Variants in GALNTL6 observed in about 807,000 individuals in gnomAD.
The protein encoded by GALNTL6 is polypeptide N-acetylgalactosaminyltransferase like 6.
Under a neutral mutation model 73.7 loss-of-function variants are expected in GALNTL6, and 46 were observed. The ratio of observed to expected loss-of-function variants is 0.62; its 90% CI spans 0.49 to 0.80. GALNTL6 has a LOEUF of 0.80. Ranked by LOEUF, GALNTL6 falls within the 30% of genes least tolerant of loss-of-function variation. The pLI, the probability that GALNTL6 is intolerant of heterozygous loss-of-function variation, is 0.00. For missense variants in GALNTL6, 604 were observed against 755.0 expected (o/e 0.80, Z 2.34); for synonymous variants, 259 against 263.7 (o/e 0.98, Z 0.17).
chr4:172,159,809 T>A (rs995456800), intron 2 of GALNTL6, among the ~76,000 whole-genome samples: 14 of 152,140 alleles, frequency 9.2e-5, no homozygotes, highest in Non-Finnish European at 1.8e-4. Flanking sequence ...AAAATCTCCC[T>A]AGCTTTTGTG....
intron 2 of GALNTL6, among the ~76,000 whole-genome samples, chr4:171,844,264 A>G (rs1735313845): frequency 2.0e-5 from 3 of 152,110 alleles, no homozygotes; most frequent in Admixed American, 2.0e-4. Context: ...TGTTTTTTAA[A>G]AAGTTTCCTT....
intron 2 of GALNTL6, among the ~76,000 whole-genome samples, chr4:172,168,562 T>C (rs1213840281): frequency 1.3e-5 from 2 of 152,126 alleles, no homozygotes; most frequent in African/African-American, 4.8e-5. Flanking sequence ...ATGGTGATGA[T>C]GGTGATGGTG....
At chr4:172,897,210 G>A (rs903025809) in intron 8 of GALNTL6, among the ~76,000 whole-genome samples, 3 of 152,200 alleles carry the variant, frequency 2.0e-5, no homozygotes, top group Non-Finnish European at 4.4e-5. Context: ...TAAGAGGGAC[G>A]TGTGTCTTTC....
At chr4:172,182,800 C>T (rs1013321768) in intron 2 of GALNTL6, among the ~76,000 whole-genome samples, 9 of 151,954 alleles carry the variant, frequency 5.9e-5, no homozygotes, top group African/African-American at 2.2e-4. Context: ...CAGATTTTCA[C>T]AAAAAATATA....
At chr4:172,446,869 T>G (rs1732042346) in intron 5 of GALNTL6, among the ~76,000 whole-genome samples, 1 of 152,162 alleles carries the variant, frequency 6.6e-6, no homozygotes, top group Admixed American at 6.6e-5. Context: ...GATGATATAC[T>G]CTGTGCAGGT....
At chr4:172,634,093 A>G (rs574309851) in intron 5 of GALNTL6, among the ~76,000 whole-genome samples, 1 of 152,296 alleles carries the variant, frequency 6.6e-6, no homozygotes, top group South Asian at 2.1e-4. Flanking sequence ...ACTAACCACC[A>G]CACTCCATAT....
chr4:171,839,933 C>T (rs1735196546), intron 2 of GALNTL6, among the ~76,000 whole-genome samples: 1 of 151,894 alleles, frequency 6.6e-6, no homozygotes, highest in Non-Finnish European at 1.5e-5. Context: ...CAGTTTTTTC[C>T]TCTCTTCAGG....
intron 5 of GALNTL6, among the ~76,000 whole-genome samples, chr4:172,710,565 A>G (rs1402389886): frequency 6.6e-6 from 1 of 152,166 alleles, no homozygotes; most frequent in Non-Finnish European, 1.5e-5. Context: ...TAACTCGATC[A>G]GTTAAAATTA....
At chr4:171,960,411 G>T (rs751078742) in intron 2 of GALNTL6, among the ~76,000 whole-genome samples, 1 of 151,776 alleles carries the variant, frequency 6.6e-6, no homozygotes, top group Non-Finnish European at 1.5e-5. Context: ...CGAGTAACAG[G>T]GTTTTACAGG....
intron 2 of GALNTL6, among the ~76,000 whole-genome samples, chr4:171,978,052 C>T (rs891346331): frequency 6.6e-6 from 1 of 151,942 alleles, no homozygotes; most frequent in African/African-American, 2.4e-5. Context: ...GCAAAAACCG[C>T]CATTACTAAC....
chr4:172,428,755 T>G (rs1380561629), intron 5 of GALNTL6, among the ~76,000 whole-genome samples: 2 of 152,166 alleles, frequency 1.3e-5, no homozygotes, highest in African/African-American at 4.8e-5. Flanking sequence ...GAATCAAAAT[T>G]CTGCACAATT....
At chr4:172,681,124 T>C (rs1540472) in intron 5 of GALNTL6, among the ~76,000 whole-genome samples, 23,318 of 151,992 alleles carry the variant, frequency 0.15, 2,183 homozygotes, top group Admixed American at 0.25. Flanking sequence ...CAATACAGGT[T>C]ATGAAGGGTA....
At chr4:173,004,683 G>A (rs1752197335) in intron 10 of GALNTL6, among the ~76,000 whole-genome samples, 1 of 152,086 alleles carries the variant, frequency 6.6e-6, no homozygotes. Flanking sequence ...CCATAAAAGG[G>A]AGCATCTTAA....
At chr4:173,013,434 T>A (rs989112680) in intron 11 of GALNTL6, among the ~76,000 whole-genome samples, 2 of 152,096 alleles carry the variant, frequency 1.3e-5, no homozygotes, top group African/African-American at 4.8e-5. Flanking sequence ...TATCCAGTAA[T>A]GCTCTAGAAT....
chr4:172,153,264 A>G (rs1225290426), intron 2 of GALNTL6, among the ~76,000 whole-genome samples: 4 of 152,182 alleles, frequency 2.6e-5, no homozygotes, highest in Non-Finnish European at 5.9e-5. Flanking sequence ...GCTTTTAAGA[A>G]GGCCTCTTAC....
chr4:172,130,663 T>G (rs1232475688), intron 2 of GALNTL6, among the ~76,000 whole-genome samples: 1 of 152,124 alleles, frequency 6.6e-6, no homozygotes, highest in Non-Finnish European at 1.5e-5. Flanking sequence ...AATTGTGCCA[T>G]TTGTTGTTAG....
intron 5 of GALNTL6, among the ~76,000 whole-genome samples, chr4:172,623,943 C>T (rs552061144): frequency 6.6e-6 from 1 of 152,198 alleles, no homozygotes; most frequent in South Asian, 2.1e-4. Flanking sequence ...ATGCATTTTA[C>T]TTTAATTCAT....
chr4:172,630,266 C>A (rs1381879005), intron 5 of GALNTL6, among the ~76,000 whole-genome samples: 4 of 152,098 alleles, frequency 2.6e-5, no homozygotes, highest in African/African-American at 4.8e-5. Context: ...AACCTTGAGA[C>A]CTGAGGTCAA....
intron 2 of GALNTL6, among the ~76,000 whole-genome samples, chr4:172,058,795 C>A (rs1560904696): frequency 6.6e-6 from 1 of 152,100 alleles, no homozygotes; most frequent in East Asian, 1.9e-4. Context: ...TCTCAGATTT[C>A]CAGAACCTAC....
Sources: gnomAD v4.1 joint callset for allele counts (sites outside exome capture counted in the v4.1 genomes callset) on GRCh38, gnomAD v4.1.1 for gene constraint, MANE v1.5 for transcripts, NCBI Gene and HGNC (gene_info 2026-07-23, HGNC 2026-07-21) for gene names.